The following SGCZ variants were observed in gnomAD, a reference collection of about 807,000 sequenced individuals.
SGCZ encodes the protein sarcoglycan zeta.
A neutral mutation model predicts 41.3 loss-of-function variants in SGCZ; 40 were observed. The ratio of observed to expected loss-of-function variants is 0.97; its 90% CI spans 0.75 to 1.26. SGCZ has a LOEUF of 1.26. Among genes scored for constraint, SGCZ ranks in the 50% most tolerant of loss-of-function variants. SGCZ has a pLI of 0.00. For synonymous variants in SGCZ, 206 were observed against 137.5 expected (o/e 1.50, Z -3.49); for missense variants, 552 against 369.8 (o/e 1.49, Z -4.04).
intron 1 of SGCZ, among the ~76,000 whole-genome samples, chr8:14,890,166 G>A (rs1011984282): frequency 2.0e-5 from 3 of 151,614 alleles, no homozygotes; most frequent in Non-Finnish European, 4.4e-5. Context: ...GCAGTGAGCA[G>A]AGATTGCACC....
At chr8:14,916,470 G>A (rs1404421964) in intron 1 of SGCZ, among the ~76,000 whole-genome samples, 1 of 152,184 alleles carries the variant, frequency 6.6e-6, no homozygotes, top group African/African-American at 2.4e-5. Flanking sequence ...TGATAATGTG[G>A]TAGCTGTTTT....
At chr8:14,238,287 T>G (rs1249784614) in intron 3 of SGCZ, among the ~76,000 whole-genome samples, 1 of 152,212 alleles carries the variant, frequency 6.6e-6, no homozygotes, top group East Asian at 1.9e-4. Context: ...GCTGTGTCTA[T>G]GCAGTTACGT....
intron 1 of SGCZ, among the ~76,000 whole-genome samples, chr8:14,952,435 T>C (rs562766510): frequency 2.0e-5 from 3 of 152,288 alleles, no homozygotes; most frequent in Admixed American, 6.5e-5. Context: ...GTGATGCTGA[T>C]TTACTGGTAA....
intron 2 of SGCZ, among the ~76,000 whole-genome samples, chr8:14,329,549 A>G (rs368681601): frequency 1.8e-4 from 27 of 152,282 alleles, no homozygotes; most frequent in African/African-American, 6.3e-4. Flanking sequence ...ATTGCCACCT[A>G]ACCACTGTTT....
At chr8:14,936,162 A>G (rs1800074796) in intron 1 of SGCZ, among the ~76,000 whole-genome samples, 1 of 151,944 alleles carries the variant, frequency 6.6e-6, no homozygotes, top group African/African-American at 2.4e-5. Flanking sequence ...GAAGAGGCGG[A>G]AAGGTATCCA....
intron 7 of SGCZ, among the ~76,000 whole-genome samples, chr8:14,099,494 A>C (rs1801944896): frequency 6.6e-6 from 1 of 152,240 alleles, no homozygotes. Flanking sequence ...TGGGAGGCTG[A>C]GGCGGGAGGA....
At chr8:14,796,935 G>T (rs1801153912) in intron 1 of SGCZ, among the ~76,000 whole-genome samples, 1 of 152,182 alleles carries the variant, frequency 6.6e-6, no homozygotes, top group African/African-American at 2.4e-5. Context: ...ACCCGATGAA[G>T]AGGTGACTTC....
chr8:14,901,713 G>C (rs1798978106), intron 1 of SGCZ, among the ~76,000 whole-genome samples: 1 of 152,060 alleles, frequency 6.6e-6, no homozygotes, highest in Admixed American at 6.6e-5. Flanking sequence ...CGGTAAAAAT[G>C]CCTAAAGCTG....
chr8:14,341,613 C>G (rs1018083059), intron 2 of SGCZ, among the ~76,000 whole-genome samples: 1 of 152,038 alleles, frequency 6.6e-6, no homozygotes, highest in Admixed American at 6.6e-5. Context: ...TTGGCTGTGT[C>G]CCCTCCCAAA....
intron 1 of SGCZ, among the ~76,000 whole-genome samples, chr8:14,709,387 T>C (rs1446841649): frequency 6.6e-6 from 1 of 152,200 alleles, no homozygotes; most frequent in Non-Finnish European, 1.5e-5. Context: ...AAATGCTTAT[T>C]TTGTGTAATG....
chr8:15,143,536 T>A (rs1798955519), intron 1 of SGCZ, among the ~76,000 whole-genome samples: 1 of 152,232 alleles, frequency 6.6e-6, no homozygotes, highest in South Asian at 2.1e-4. Context: ...TGGAAATTAG[T>A]TAAGTACCAT....
At chr8:14,248,757 T>C (rs1160242185) in intron 3 of SGCZ, among the ~76,000 whole-genome samples, 3 of 151,900 alleles carry the variant, frequency 2.0e-5, no homozygotes, top group Non-Finnish European at 2.9e-5. Flanking sequence ...AAAAAATCTT[T>C]TTTTTTCTCC....
At chr8:14,999,204 G>A (rs1177350227) in intron 1 of SGCZ, among the ~76,000 whole-genome samples, 4 of 152,078 alleles carry the variant, frequency 2.6e-5, no homozygotes, top group Admixed American at 2.6e-4. Context: ...CTAATACATG[G>A]GGTTTCTCTT....
intron 2 of SGCZ, among the ~76,000 whole-genome samples, chr8:14,405,797 A>C (rs1235986317): frequency 6.6e-6 from 1 of 152,170 alleles, no homozygotes; most frequent in African/African-American, 2.4e-5. Flanking sequence ...AAAGTTGGCA[A>C]ATTAGTTGTT....
At chr8:14,199,820 C>T (rs375995081) in intron 4 of SGCZ, among the ~76,000 whole-genome samples, 189 of 152,072 alleles carry the variant, frequency 1.2e-3, no homozygotes, top group Non-Finnish European at 2.1e-3. Context: ...TGAAAGTTCA[C>T]GACTGACAAT....
At chr8:14,671,988 A>C (rs1808119071) in intron 1 of SGCZ, among the ~76,000 whole-genome samples, 1 of 152,160 alleles carries the variant, frequency 6.6e-6, no homozygotes, top group Non-Finnish European at 1.5e-5. Context: ...AGACAGCTAC[A>C]TTGAAAACAG....
chr8:14,378,630 C>T (rs1221399046), intron 2 of SGCZ, among the ~76,000 whole-genome samples: 2 of 152,096 alleles, frequency 1.3e-5, no homozygotes, highest in African/African-American at 2.4e-5. Context: ...GACATGAGAA[C>T]CCTTGATTTA....
intron 3 of SGCZ, among the ~76,000 whole-genome samples, chr8:14,243,981 T>C (rs1234196602): frequency 6.6e-6 from 1 of 152,186 alleles, no homozygotes; most frequent in East Asian, 1.9e-4. Flanking sequence ...TTTAAAAGTA[T>C]AGTTTGTGTC....
intron 2 of SGCZ, among the ~76,000 whole-genome samples, chr8:14,551,480 T>TAATATATATTATATATAATATATATAA (rs773471657): frequency 1.4e-4 from 2 of 14,106 alleles, no homozygotes; most frequent in Non-Finnish European, 2.5e-4. Flanking sequence ...ATATTATATA[T>TAATATATATTATATATAATATATATAA]TATATATATT....
Sources: gnomAD v4.1 joint callset for allele counts (sites outside exome capture counted in the v4.1 genomes callset) on GRCh38, gnomAD v4.1.1 for gene constraint, MANE v1.5 for transcripts, NCBI Gene and HGNC (gene_info 2026-07-23, HGNC 2026-07-21) for gene names.